KCNH5: variants seen among roughly 807,000 people sequenced by gnomAD.
KCNH5 encodes voltage-gated delayed rectifier potassium channel KCNH5.
In KCNH5, 46 loss-of-function variants were observed where a neutral mutation model predicts 96.1. The ratio of observed to expected loss-of-function variants is 0.48; its 90% confidence interval spans 0.38 to 0.61. KCNH5 has a LOEUF of 0.61. KCNH5 is among the 20% of genes least tolerant of loss of function. The probability of loss-of-function intolerance (pLI) is 0.00; values close to 1 mark genes in which losing one functional copy is unlikely to be tolerated. For missense variants in KCNH5, 907 were observed against 1,225.8 expected (o/e 0.74, Z 3.88); for synonymous variants, 439 against 449.8 (o/e 0.98, Z 0.30).
At chr14:62,796,507 G>A (rs1451324345) in intron 9 of KCNH5, among the ~76,000 whole-genome samples, 1 of 152,120 alleles carries the variant, frequency 6.6e-6, no homozygotes, top group African/African-American at 2.4e-5. Flanking sequence ...AGAATTTGAA[G>A]TTACAATTGA....
At chr14:62,853,461 A>G (rs1887855685) in intron 7 of KCNH5, among the ~76,000 whole-genome samples, 1 of 90,906 alleles carries the variant, frequency 1.1e-5, no homozygotes, top group South Asian at 3.4e-4. Context: ...ATAATCATAT[A>G]TATATATATA....
intron 10 of KCNH5, among the ~76,000 whole-genome samples, chr14:62,723,543 G>C (rs980407738): frequency 8.5e-5 from 13 of 152,176 alleles, no homozygotes; most frequent in African/African-American, 1.9e-4. Flanking sequence ...TGGATGTATA[G>C]ACATTCATTC....
intron 7 of KCNH5, among the ~76,000 whole-genome samples, chr14:62,919,900 G>C (rs973222988): frequency 6.6e-6 from 1 of 152,136 alleles, no homozygotes; most frequent in African/African-American, 2.4e-5. Flanking sequence ...GAGAGAGAGA[G>C]AGGTCAGCGA....
chr14:62,880,622 T>C (rs1888473738), intron 7 of KCNH5, among the ~76,000 whole-genome samples: 1 of 152,162 alleles, frequency 6.6e-6, no homozygotes. Context: ...TTTAGAACGA[T>C]ATTAAAATAA....
At chr14:62,719,227 A>C (rs530356989) in intron 10 of KCNH5, among the ~76,000 whole-genome samples, 17 of 152,388 alleles carry the variant, frequency 1.1e-4, no homozygotes, top group African/African-American at 4.1e-4. Context: ...TTCAATAAAA[A>C]ATACAGGTCT....
chr14:62,835,172 C>T (rs1019132346), intron 8 of KCNH5, among the ~76,000 whole-genome samples: 2 of 151,970 alleles, frequency 1.3e-5, no homozygotes, highest in East Asian at 1.9e-4. Context: ...TCAGTAACAA[C>T]GACATTCCAG....
chr14:62,899,426 A>AAAAT lies in KCNH5; in HGVS notation c.1370-49578_1370-49575dup, dbSNP rs533687700. Among the ~76,000 whole-genome samples the AAAAT allele has an allele frequency of 4.3e-4, 65 of 152,212 alleles. 1 individual carries two copies. In the East Asian group the frequency reaches 0.011, roughly 26 times the overall value. On this transcript the variant is annotated intron_variant, in intron 7 of 10. Transcript: ENST00000322893. Reference sequence around the variant, plus strand: ...AGTAGATTTTAAATGATCTCGCCAAAAAATAAATAAATAAATAAGGTGACA... The same window carrying AAAAT: ...AGTAGATTTTAAATGATCTCGCCAAAAAATAAATAAATAAATAAATAAGGTGACA...
chr14:62,812,800 T>C (rs530650511), intron 8 of KCNH5, among the ~76,000 whole-genome samples: 2 of 152,242 alleles, frequency 1.3e-5, no homozygotes, highest in African/African-American at 4.8e-5. Flanking sequence ...CACTTATCTA[T>C]GTGTAGATAC....
At chr14:62,754,211 G>T (rs898856865) in intron 10 of KCNH5, among the ~76,000 whole-genome samples, 2 of 151,770 alleles carry the variant, frequency 1.3e-5, no homozygotes, top group Admixed American at 6.6e-5. Context: ...TATATTATTC[G>T]CAAGCTTCAT....
intron 1 of KCNH5, among the ~76,000 whole-genome samples, chr14:63,034,128 C>A (rs747336051): frequency 1.2e-3 from 176 of 152,226 alleles, no homozygotes; most frequent in South Asian, 2.9e-3. Flanking sequence ...CCATGTTGGT[C>A]AGGCTGGTCT....
At chr14:62,719,909 C>T (rs1261315018) in intron 10 of KCNH5, among the ~76,000 whole-genome samples, 1 of 152,140 alleles carries the variant, frequency 6.6e-6, no homozygotes, top group Non-Finnish European at 1.5e-5. Context: ...ATTTACATTA[C>T]GGATATGTGT....
intron 7 of KCNH5, among the ~76,000 whole-genome samples, chr14:62,924,476 T>C (rs779775190): frequency 6.6e-6 from 1 of 151,882 alleles, no homozygotes; most frequent in Non-Finnish European, 1.5e-5. Flanking sequence ...TGGGTACTTA[T>C]CGAAAAGACA....
intron 9 of KCNH5, among the ~76,000 whole-genome samples, chr14:62,796,716 T>C (rs1886549689): frequency 6.6e-6 from 1 of 152,170 alleles, no homozygotes; most frequent in Admixed American, 6.6e-5. Context: ...CCTCAGGAAG[T>C]CCTGACGACA....
rs1884334374 is a variant in KCNH5 at position 62,700,717 on chromosome 14, G to A, written c.*6791C>T. 1 of 152,154 alleles carries A rather than the reference G, an allele frequency of 6.6e-6. No individual in the cohort carries two copies. Among genetic ancestry groups the A allele is most frequent in the Non-Finnish European group, 1.5e-5 (1 of 68,008 alleles). The allele number at this position is 152,154 out of a possible 1,614,324, so 9.4% of individuals were successfully genotyped here. A position where few individuals can be genotyped will look rare whatever the true frequency, so the allele number is the denominator to read the frequency against. On this transcript the variant is annotated 3_prime_UTR_variant, in exon 11 of 11. Coordinates refer to ENST00000322893, the MANE Select transcript of KCNH5 (RefSeq NM_139318.5). ...TGAATCTTTGTTGTGATTTTGCATA[G>A]TTTACTAGCTAGGTATTCTTCCTGT...
intron 9 of KCNH5, among the ~76,000 whole-genome samples, chr14:62,795,814 A>T (rs1886529919): frequency 6.6e-6 from 1 of 152,196 alleles, no homozygotes; most frequent in Non-Finnish European, 1.5e-5. Context: ...AACCCTGTAT[A>T]GGCATCCAAG....
intron 10 of KCNH5, among the ~76,000 whole-genome samples, chr14:62,748,419 T>C (rs1000435443): frequency 4.6e-5 from 7 of 152,202 alleles, no homozygotes; most frequent in African/African-American, 1.4e-4. Context: ...TAAACATTAT[T>C]AATTTGTTCC....
chr14:62,715,306 T>C (rs1257398261), intron 10 of KCNH5, among the ~76,000 whole-genome samples: 1 of 152,226 alleles, frequency 6.6e-6, no homozygotes, highest in African/African-American at 2.4e-5. Flanking sequence ...GGCTCATCAC[T>C]TTCTAGATCT....
chr14:63,021,182 T>C (rs1170094653), intron 1 of KCNH5, among the ~76,000 whole-genome samples: 2 of 152,106 alleles, frequency 1.3e-5, no homozygotes, highest in African/African-American at 4.8e-5. Flanking sequence ...CATTCCAATG[T>C]TCAGTCTTGT....
intron 8 of KCNH5, among the ~76,000 whole-genome samples, chr14:62,839,261 T>A (rs1263097179): frequency 6.6e-6 from 1 of 152,206 alleles, no homozygotes; most frequent in African/African-American, 2.4e-5. Context: ...TTTTTCTAAT[T>A]TTATGTAACA....
Sources: gnomAD v4.1 joint callset for allele counts (sites outside exome capture counted in the v4.1 genomes callset) on GRCh38, gnomAD v4.1.1 for gene constraint, MANE v1.5 for transcripts, NCBI Gene and HGNC (gene_info 2026-07-23, HGNC 2026-07-21) for gene names.